Variants in MICAL2 observed in about 807,000 individuals in gnomAD.
The protein encoded by MICAL2 is [F-actin]-monooxygenase MICAL2.
A neutral mutation model predicts 127.3 loss-of-function variants in MICAL2; 77 were observed. That is an observed-to-expected ratio of 0.60 (90% confidence interval 0.50 to 0.73). The LOEUF (loss-of-function observed/expected upper bound fraction) is 0.73. MICAL2 is among the 30% of genes least tolerant of loss of function. MICAL2 has a pLI of 0.00. For synonymous variants in MICAL2, 570 were observed against 551.1 expected (o/e 1.03, Z -0.48); for missense variants, 1,351 against 1,434.4 (o/e 0.94, Z 0.94).
chr11:12,209,729 C>T (rs1177647212), intron 6 of MICAL2, 131 bp downstream of exon 6: 1 of 772,318 alleles, frequency 1.3e-6, no homozygotes, highest in Admixed American at 2.1e-5. Context: ...GAGGGCAGAC[C>T]ATCCTGTCCC....
intron 32 of MICAL2, among the ~76,000 whole-genome samples, chr11:12,339,800 T>C (rs1460381211): frequency 6.6e-6 from 1 of 152,180 alleles, no homozygotes; most frequent in Non-Finnish European, 1.5e-5. Context: ...TGATCGTTCC[T>C]TTGGAAGTTT....
intron 2 of MICAL2, among the ~76,000 whole-genome samples, chr11:12,146,535 C>T (rs11022206): frequency 0.48 from 72,506 of 151,894 alleles, 17,925 homozygotes; most frequent in South Asian, 0.68. Flanking sequence ...CCAGTTAGAA[C>T]GGTGATCATT....
At chr11:12,260,228 T>G (rs891153765) in intron 26 of MICAL2, 4 of 1,451,578 alleles carry the variant, frequency 2.8e-6, no homozygotes, top group Middle Eastern at 4.6e-4. Context: ...CAGATGGCAG[T>G]GCGTTTGCAG....
At chr11:12,323,620 C>G (rs1864324695) in intron 30 of MICAL2, among the ~76,000 whole-genome samples, 1 of 152,196 alleles carries the variant, frequency 6.6e-6, no homozygotes, top group African/African-American at 2.4e-5. Flanking sequence ...CCTACACATA[C>G]ACTCCCTCCC....
intron 15 of MICAL2, among the ~76,000 whole-genome samples, chr11:12,235,373 G>A (rs1565217951): frequency 6.6e-6 from 1 of 152,156 alleles, no homozygotes; most frequent in Non-Finnish European, 1.5e-5. Context: ...CCAGATGCAG[G>A]CAGCAGAGAG....
chr11:12,168,349 T>A (rs1317587955), intron 3 of MICAL2, among the ~76,000 whole-genome samples: 1 of 144,668 alleles, frequency 6.9e-6, no homozygotes, highest in Non-Finnish European at 1.5e-5. Context: ...CAAATACATA[T>A]ATACACAAAT....
At chr11:12,358,537 C>T (rs774521134), downstream of MICAL2, 113 of 1,509,026 alleles carry the variant, frequency 7.5e-5, no homozygotes, top group Non-Finnish European at 9.9e-5. Context: ...GCCAAGTGCA[C>T]CACACACCCT....
rs760301584 is a variant in MICAL2, at chr11:12,319,670, A to AT, written c.5213-24dup. ...AAGCAGGAAATGAAGCTAGCAGTTC[A>AT]TTGAGTTTTTCTGTTCCCATTTCAG... On this transcript the variant is annotated intron_variant, in intron 29 of 34. Coordinates refer to the MICAL2 transcript ENST00000646065. The AT allele has an allele frequency of 1.6e-5, 24 of 1,515,922 alleles. No homozygotes were observed. The African/African-American group carries it at 3.0e-4, about 19-fold the overall frequency. 93.9% of individuals were successfully genotyped at this position (1,515,922 alleles called of 1,614,324 possible).
Position 12,207,957 on chromosome 11 carries a change from G to A in MICAL2, c.473-66G>A, listed in dbSNP as rs903205763. On this transcript the variant is annotated intron_variant, in intron 4 of 27. Coordinates refer to ENST00000683283, the MANE Select transcript of MICAL2 (RefSeq NM_001282663.2). ...GTCACTGAGCGGCAGTGATTATGTA[G>A]CATTCTGCATATAGGTGGTGTTCAG... 5.0e-6 allele frequency: 6 copies of A among 1,204,770 alleles called. No homozygotes were observed. The African/African-American group carries it at 6.0e-5, about 12-fold the overall frequency. The allele number at this position is 1,204,770 out of a possible 1,614,324, so 74.6% of individuals were successfully genotyped here.
chr11:12,230,019 G>A (rs1014761073), intron 15 of MICAL2, among the ~76,000 whole-genome samples: 1 of 152,210 alleles, frequency 6.6e-6, no homozygotes, highest in African/African-American at 2.4e-5. Context: ...AGCACTTCCT[G>A]TGGGTGGGTT....
chr11:12,327,955 A>G (rs1483720844), intron 32 of MICAL2, among the ~76,000 whole-genome samples: 2 of 152,160 alleles, frequency 1.3e-5, no homozygotes, highest in Non-Finnish European at 2.9e-5. Context: ...GGCCAGTCAC[A>G]TTATAAACCT....
At chr11:12,293,837 G>A, downstream of MICAL2, 1 of 1,606,284 alleles carries the variant, frequency 6.2e-7, no homozygotes, top group Non-Finnish European at 8.5e-7. Flanking sequence ...CCCCATCTGG[G>A]GGAAGGACAG....
At chr11:12,147,432 A>G (rs1224490022) in intron 2 of MICAL2, among the ~76,000 whole-genome samples, 1 of 152,236 alleles carries the variant, frequency 6.6e-6, no homozygotes, top group Admixed American at 6.5e-5. Context: ...TGAATTAGCT[A>G]CAAAATACCA....
chr11:12,295,297 G>A (rs1362813649), downstream of MICAL2, among the ~76,000 whole-genome samples: 2 of 151,820 alleles, frequency 1.3e-5, no homozygotes, highest in South Asian at 2.1e-4. Flanking sequence ...GTGTCACCAC[G>A]CCCAGCTAAT....
chr11:12,255,437 G>T lies in MICAL2; in HGVS notation c.2848-206G>T, dbSNP rs1369713205. The stretch of plus-strand genomic sequence containing the variant: ...ATCCTAGAGTACTTGTGTTTTTGCG[G>T]CCACAGGGTTTTATTTATTTTCTTT... On this transcript the variant is annotated intron_variant, in intron 22 of 27. Transcript: ENST00000683283. 8.8e-6 allele frequency: 5 copies of T among 566,132 alleles called. No individual in the cohort carries two copies. In the East Asian group the frequency reaches 1.5e-4, roughly 17 times the overall value. The allele number at this position is 566,132 out of a possible 1,614,324, so 35.1% of individuals were successfully genotyped here. A position where few individuals can be genotyped will look rare whatever the true frequency, so the allele number is the denominator to read the frequency against.
At chr11:12,286,655 G>A (rs1347814307) in intron 2 of MICAL2, among the ~76,000 whole-genome samples, 2 of 152,126 alleles carry the variant, frequency 1.3e-5, no homozygotes, top group African/African-American at 4.8e-5. Context: ...GATCACTTGA[G>A]CCCAGGAGTT....
At chr11:12,313,265 G>A (rs562044045) in intron 29 of MICAL2, among the ~76,000 whole-genome samples, 2 of 151,122 alleles carry the variant, frequency 1.3e-5, no homozygotes, top group Non-Finnish European at 2.9e-5. Flanking sequence ...TGGAAAGTTA[G>A]AGTAATATTT....
At chr11:12,275,264 T>G (rs1403608323), upstream of MICAL2, among the ~76,000 whole-genome samples, 1 of 152,180 alleles carries the variant, frequency 6.6e-6, no homozygotes. Context: ...GTTAGACACG[T>G]AGACGGAGAT....
chr11:12,288,654 G>A (rs1590722264), downstream of MICAL2, among the ~76,000 whole-genome samples: 1 of 152,214 alleles, frequency 6.6e-6, no homozygotes, highest in Non-Finnish European at 1.5e-5. Flanking sequence ...GGTCTGGCCC[G>A]GAGGAGGAAC....
Sources: allele counts gnomAD v4.1 joint callset (sites outside exome capture counted in the v4.1 genomes callset), GRCh38; gene constraint gnomAD v4.1.1; transcripts MANE v1.5; gene names NCBI Gene and HGNC (gene_info 2026-07-23, HGNC 2026-07-21).